The following RBMS3 variants were observed in gnomAD, a reference collection of about 807,000 sequenced individuals.
The protein encoded by RBMS3 is RNA-binding motif, single-stranded-interacting protein 3.
A neutral mutation model predicts 66.8 loss-of-function variants in RBMS3; 27 were observed. That is an observed-to-expected ratio of 0.40 (90% CI 0.30 to 0.56). The LOEUF (loss-of-function observed/expected upper bound fraction) is 0.56. Among genes scored for constraint, RBMS3 ranks in the 20% least tolerant of loss-of-function variants. The probability of loss-of-function intolerance (pLI) is 0.40; values close to 1 mark genes in which losing one functional copy is unlikely to be tolerated. For missense variants in RBMS3, 513 were observed against 549.5 expected (o/e 0.93, Z 0.66); for synonymous variants, 188 against 183.0 (o/e 1.03, Z -0.22).
At chr3:29,438,028 T>TTCTCTCTC (rs34431369) in intron 2 of RBMS3, among the ~76,000 whole-genome samples, 4,075 of 142,490 alleles carry the variant, frequency 0.029, 96 homozygotes, top group African/African-American at 0.057. Flanking sequence ...CCTTGCTTGT[T>TTCTCTCTC]TCTCTCTCTC....
At chr3:29,567,360 T>C (rs985262233) in intron 3 of RBMS3, among the ~76,000 whole-genome samples, 3 of 152,168 alleles carry the variant, frequency 2.0e-5, no homozygotes, top group Non-Finnish European at 4.4e-5. Flanking sequence ...TCTCCATATG[T>C]AAAAATTGGT....
chr3:29,481,835 A>C (rs2043139144), intron 2 of RBMS3, among the ~76,000 whole-genome samples: 1 of 152,232 alleles, frequency 6.6e-6, no homozygotes, highest in Non-Finnish European at 1.5e-5. Context: ...TATGCTATAC[A>C]GTAAATGTAT....
intron 3 of RBMS3, among the ~76,000 whole-genome samples, chr3:29,509,918 G>A (rs2044332179): frequency 6.6e-6 from 1 of 152,178 alleles, no homozygotes; most frequent in African/African-American, 2.4e-5. Context: ...TCCAATGCAT[G>A]TCTAAAAGAA....
chr3:29,911,246 AG>A (rs1217141317), intron 10 of RBMS3, among the ~76,000 whole-genome samples: 1 of 152,076 alleles, frequency 6.6e-6, no homozygotes, highest in Non-Finnish European at 1.5e-5. Flanking sequence ...AGTAGATTGT[AG>A]GCAGGGTTTT....
chr3:29,703,071 T>C (rs1229089521), intron 4 of RBMS3, among the ~76,000 whole-genome samples: 4 of 152,252 alleles, frequency 2.6e-5, no homozygotes, highest in African/African-American at 9.6e-5. Context: ...ATTTCAAATA[T>C]TACTTAACTT....
In RBMS3 at chr3:29,384,435, T is replaced by TAATAATAAGAAGAAGAAGAAGAAGAAG. The variant is rs776357215; in HGVS notation, c.76-50306_76-50305insTAATAAGAAGAAGAAGAAGAAGAAGAA. ...TATACACCAATAATAATAATAATAATAAGAAGAAGAAGAAGAAGAAGAAGA... is the reference window on the plus strand; with the variant it reads ...TATACACCAATAATAATAATAATAATAATAATAAGAAGAAGAAGAAGAAGAAGAAGAAGAAGAAGAAGAAGAAGAAGA... On this transcript the variant is annotated intron_variant, in intron 1 of 14. Coordinates refer to ENST00000383767, the MANE Select transcript of RBMS3 (RefSeq NM_001003793.3). Among the ~76,000 whole-genome samples, 607 of 141,046 alleles carry TAATAATAAGAAGAAGAAGAAGAAGAAG rather than the reference T, an allele frequency of 4.3e-3. 2 individuals carry two copies. Among genetic ancestry groups the TAATAATAAGAAGAAGAAGAAGAAGAAG allele is most frequent in the Non-Finnish European group, 6.3e-3 (410 of 65,470 alleles). The allele number at this position is 141,046 out of a possible 152,430, so 92.5% of individuals were successfully genotyped here. A position where few individuals can be genotyped will look rare whatever the true frequency, so the allele number is the denominator to read the frequency against.
intron 1 of RBMS3, among the ~76,000 whole-genome samples, chr3:29,302,538 G>A (rs1284596023): frequency 6.6e-6 from 1 of 151,988 alleles, no homozygotes; most frequent in African/African-American, 2.4e-5. Flanking sequence ...TATATGTATA[G>A]TTTGTCTTCT....
At chr3:29,495,774 T>C (rs147072601) in intron 3 of RBMS3, among the ~76,000 whole-genome samples, 1 of 152,224 alleles carries the variant, frequency 6.6e-6, no homozygotes, top group African/African-American at 2.4e-5. Context: ...CAGGATATTA[T>C]ATTTTGTTAT....
At chr3:29,756,323 A>T (rs1042608091) in intron 5 of RBMS3, among the ~76,000 whole-genome samples, 1 of 152,192 alleles carries the variant, frequency 6.6e-6, no homozygotes, top group Non-Finnish European at 1.5e-5. Context: ...GCCCAGGTGT[A>T]TTAGTCCATC....
chr3:29,604,478 A>G (rs551294151), intron 4 of RBMS3, among the ~76,000 whole-genome samples: 9 of 152,060 alleles, frequency 5.9e-5, no homozygotes, highest in Non-Finnish European at 1.0e-4. Context: ...CTGGTGCCTC[A>G]TCATCCTTCC....
At chr3:29,439,674 T>C in intron 2 of RBMS3, among the ~76,000 whole-genome samples, 1 of 152,168 alleles carries the variant, frequency 6.6e-6, no homozygotes, top group Non-Finnish European at 1.5e-5. Flanking sequence ...TAGTTACACA[T>C]GCATACATGT....
intron 3 of RBMS3, among the ~76,000 whole-genome samples, chr3:29,565,415 A>G (rs188561578): frequency 1.4e-4 from 21 of 152,324 alleles, no homozygotes; most frequent in African/African-American, 3.8e-4. Context: ...TGATTTCACT[A>G]TGGAATTCTG....
chr3:29,864,399 A>G (rs2059292568), intron 6 of RBMS3, among the ~76,000 whole-genome samples: 2 of 152,218 alleles, frequency 1.3e-5, no homozygotes, highest in African/African-American at 4.8e-5. Context: ...AAAGGGACCT[A>G]GTGCTGTAGT....
chr3:29,647,057 A>G (rs1216599703), intron 4 of RBMS3, among the ~76,000 whole-genome samples: 1 of 152,080 alleles, frequency 6.6e-6, no homozygotes, highest in East Asian at 1.9e-4. Flanking sequence ...GGCTCACTGC[A>G]ACCTCCACCT....
At chr3:29,378,499 CAAAA>C (rs1553641762) in intron 1 of RBMS3, among the ~76,000 whole-genome samples, 20 of 5,288 alleles carry the variant, frequency 3.8e-3, no homozygotes, top group Admixed American at 9.2e-3. Flanking sequence ...AAAAAAAAAA[CAAAA>C]AACAACTGTC....
chr3:29,421,076 G>A (rs2040707902), intron 1 of RBMS3, among the ~76,000 whole-genome samples: 1 of 151,660 alleles, frequency 6.6e-6, no homozygotes, highest in Non-Finnish European at 1.5e-5. Flanking sequence ...TCGCGCCACT[G>A]CACTCCAGCC....
intron 1 of RBMS3, among the ~76,000 whole-genome samples, chr3:29,321,066 A>G (rs2034979917): frequency 6.6e-6 from 1 of 152,136 alleles, no homozygotes; most frequent in Non-Finnish European, 1.5e-5. Context: ...TGACCCATAC[A>G]TCACCTGCTC....
chr3:29,654,368 T>C (rs1030517949), intron 4 of RBMS3, among the ~76,000 whole-genome samples: 1 of 152,118 alleles, frequency 6.6e-6, no homozygotes, highest in South Asian at 2.1e-4. Flanking sequence ...ACACATGTTA[T>C]CATGTAGGCA....
chr3:29,302,231 A>G (rs1235013754), intron 1 of RBMS3, among the ~76,000 whole-genome samples: 1 of 151,914 alleles, frequency 6.6e-6, no homozygotes, highest in African/African-American at 2.4e-5. Context: ...AAGCTGGTCC[A>G]GACCTCCTGG....
Sources: allele counts gnomAD v4.1 joint callset (sites outside exome capture counted in the v4.1 genomes callset), GRCh38; gene constraint gnomAD v4.1.1; transcripts MANE v1.5; gene names NCBI Gene and HGNC (gene_info 2026-07-23, HGNC 2026-07-21).